Variants in BCAS1 observed in about 807,000 individuals in gnomAD.
The protein encoded by BCAS1 is breast carcinoma-amplified sequence 1.
Under a neutral mutation model 65.4 loss-of-function variants are expected in BCAS1, and 46 were observed. That is an observed-to-expected ratio of 0.70 (90% CI 0.55 to 0.90). The LOEUF (loss-of-function observed/expected upper bound fraction) is 0.90, where lower values mean the gene tolerates loss of function less well. Among genes scored for constraint, BCAS1 ranks in the 40% least tolerant of loss-of-function variants. BCAS1 has a pLI of 0.00. For synonymous variants in BCAS1, 298 were observed against 293.5 expected (o/e 1.02, Z -0.16); for missense variants, 793 against 771.2 (o/e 1.03, Z -0.33).
intron 3 of BCAS1, among the ~76,000 whole-genome samples, chr20:54,048,467 G>T (rs1305112484): frequency 6.6e-6 from 1 of 152,102 alleles, no homozygotes; most frequent in Non-Finnish European, 1.5e-5. Flanking sequence ...GGTGGCAGAG[G>T]CTTCAGGGAA....
At chr20:53,970,840 T>A (rs13433139) in intron 9 of BCAS1, among the ~76,000 whole-genome samples, 2,323 of 152,332 alleles carry the variant, frequency 0.015, 63 homozygotes, top group African/African-American at 0.053. Flanking sequence ...ATATTAACAT[T>A]AAAGGTTTTT....
chr20:54,047,401 T>C (rs948602153), intron 3 of BCAS1, among the ~76,000 whole-genome samples: 7 of 152,204 alleles, frequency 4.6e-5, no homozygotes, highest in Non-Finnish European at 2.9e-5. Context: ...GTTGTATGTG[T>C]GCATCTTTGG....
intron 4 of BCAS1, among the ~76,000 whole-genome samples, chr20:54,003,483 A>G (rs1256806199): frequency 6.6e-6 from 1 of 152,240 alleles, no homozygotes; most frequent in African/African-American, 2.4e-5. Flanking sequence ...CCCTTCTCTG[A>G]ATTTCTATAC....
At chr20:53,960,750 CTTCT>C (rs1414152816) in intron 10 of BCAS1, among the ~76,000 whole-genome samples, 1 of 151,644 alleles carries the variant, frequency 6.6e-6, no homozygotes, top group African/African-American at 2.4e-5. Flanking sequence ...TTCTTCTACC[CTTCT>C]TTCTTTTTTC....
rs776721142 is a variant in BCAS1 at position 53,992,653 on chromosome 20, G to T, written c.928-7C>A. Reference sequence around the variant, plus strand: ...CACTTTCTGCTTTCGATGCCTTTGGGGCAACAGCAGTCACAACCTCAGAAC... The same window carrying T: ...CACTTTCTGCTTTCGATGCCTTTGGTGCAACAGCAGTCACAACCTCAGAAC... On this transcript the variant is annotated splice_polypyrimidine_tract_variant and splice_region_variant and intron_variant, in intron 6 of 12. Transcript: ENST00000688948. 7.3e-7 allele frequency: 1 copy of T among 1,365,612 alleles called. No homozygotes were observed. Among genetic ancestry groups the T allele is most frequent in the South Asian group, 1.1e-5 (1 of 87,968 alleles). The allele number at this position is 1,365,612 out of a possible 1,614,324, so 84.6% of individuals were successfully genotyped here.
intron 3 of BCAS1, among the ~76,000 whole-genome samples, chr20:54,032,298 A>G (rs1357038082): frequency 6.6e-6 from 1 of 151,432 alleles, no homozygotes; most frequent in African/African-American, 2.4e-5. Context: ...ATTTGTGACC[A>G]TTAGACCTTC....
At position 53,966,906 on chromosome 20, in the gene BCAS1, C is replaced by A; in HGVS notation, c.1485G>T (p.Met495Ile). 1 of 1,605,502 alleles carries A rather than the reference C, an allele frequency of 6.2e-7. No homozygotes were observed. Among genetic ancestry groups the A allele is most frequent in the Non-Finnish European group, 8.5e-7 (1 of 1,177,430 alleles). ...RTSLMAFLRQ[M>I]SVKGDGGITH... Reference sequence around the variant, plus strand: ...CCTATACTGGAAGTAAGGGGCTTACCATTTGTCTGAGAAACGCCATCAGAG... The same window carrying A: ...CCTATACTGGAAGTAAGGGGCTTACAATTTGTCTGAGAAACGCCATCAGAG... Residue 495 changes from methionine (M) to isoleucine (I), a missense_variant and splice_region_variant, in exon 10 of 13, where the codon ATG (methionine) becomes ATT (isoleucine). Physicochemically the swap from Met to Ile is conservative, Grantham distance 10 (BLOSUM62 1). Transcript: ENST00000688948.
At chr20:54,064,648 C>G (rs1035952356) in intron 1 of BCAS1, among the ~76,000 whole-genome samples, 3 of 152,200 alleles carry the variant, frequency 2.0e-5, no homozygotes, top group African/African-American at 7.2e-5. Context: ...TCTCCTGCAT[C>G]TCTGGGGTTC....
At chr20:54,064,781 A>G (rs1159437620) in intron 1 of BCAS1, among the ~76,000 whole-genome samples, 1 of 152,230 alleles carries the variant, frequency 6.6e-6, no homozygotes, top group Non-Finnish European at 1.5e-5. Flanking sequence ...GGAAAATGAC[A>G]GTATTCATAA....
At chr20:53,979,664 G>A (rs1047941327) in intron 8 of BCAS1, among the ~76,000 whole-genome samples, 2 of 152,226 alleles carry the variant, frequency 1.3e-5, no homozygotes, top group Non-Finnish European at 2.9e-5. Flanking sequence ...TGACCACCCA[G>A]TAGGGACATA....
intron 4 of BCAS1, 115 bp downstream of exon 4, chr20:54,028,277 A>C: frequency 9.5e-7 from 1 of 1,048,356 alleles, no homozygotes; most frequent in Non-Finnish European, 1.5e-6. Context: ...TAGAGGGGTC[A>C]ACAGCTTGCC....
chr20:54,013,750 G>T (rs2091372445), intron 4 of BCAS1, among the ~76,000 whole-genome samples: 1 of 152,210 alleles, frequency 6.6e-6, no homozygotes, highest in South Asian at 2.1e-4. Flanking sequence ...AGAATACTCT[G>T]CAGGCATTAC....
intron 4 of BCAS1, among the ~76,000 whole-genome samples, chr20:54,004,727 T>A (rs1030329087): frequency 2.0e-5 from 3 of 152,064 alleles, no homozygotes; most frequent in Non-Finnish European, 4.4e-5. Flanking sequence ...AAGTTATGCT[T>A]TCACTGTGTA....
intron 3 of BCAS1, among the ~76,000 whole-genome samples, chr20:54,046,148 TAG>T (rs1205233025): frequency 6.6e-6 from 1 of 152,228 alleles, no homozygotes; most frequent in Non-Finnish European, 1.5e-5. Flanking sequence ...TGCATACTAA[TAG>T]TTATTTCAGT....
At position 53,949,204 on chromosome 20, in the gene BCAS1, G is replaced by GCA. The variant is rs60877872; in HGVS notation, c.1816-4210_1816-4209dup. ...TGTGTGTGCGTATATGCATATATCC[G>GCA]CACACACACACACACACACCCAGGT... is the stretch of plus-strand genomic sequence containing the variant. On this transcript the variant is annotated intron_variant, in intron 12 of 12. Coordinates refer to ENST00000688948, the MANE Select transcript of BCAS1 (RefSeq NM_001366298.2). 1.4e-3 allele frequency among the ~76,000 whole-genome samples: 118 copies of GCA among 84,328 alleles called. 1 individual carries two copies. Among genetic ancestry groups the GCA allele is most frequent in the African/African-American group, 3.1e-3 (92 of 29,614 alleles). The allele number at this position is 84,328 out of a possible 152,430, so 55.3% of individuals were successfully genotyped here. A position where few individuals can be genotyped will look rare whatever the true frequency, so the allele number is the denominator to read the frequency against.
intron 1 of BCAS1, among the ~76,000 whole-genome samples, chr20:54,067,573 G>C (rs2092459763): frequency 6.6e-6 from 1 of 152,162 alleles, no homozygotes; most frequent in Non-Finnish European, 1.5e-5. Flanking sequence ...TTGGCCTCCT[G>C]GAAGCTGCCC....
At chr20:53,951,810 C>T (rs1262734414) in intron 12 of BCAS1, among the ~76,000 whole-genome samples, 1 of 152,230 alleles carries the variant, frequency 6.6e-6, no homozygotes, top group African/African-American at 2.4e-5. Context: ...ATCAATGAAA[C>T]CACTGCAAGG....
chr20:53,976,949 C>G (rs919897003), intron 8 of BCAS1, among the ~76,000 whole-genome samples: 1 of 152,162 alleles, frequency 6.6e-6, no homozygotes, highest in African/African-American at 2.4e-5. Flanking sequence ...CCGTTTTACA[C>G]TGCTATAAAG....
chr20:53,963,739 T>G (rs1390615453), intron 10 of BCAS1, among the ~76,000 whole-genome samples: 1 of 152,198 alleles, frequency 6.6e-6, no homozygotes, highest in Non-Finnish European at 1.5e-5. Context: ...TAGGGCAGGT[T>G]TTTTCTTTCC....
Sources: allele counts gnomAD v4.1 joint callset (sites outside exome capture counted in the v4.1 genomes callset), GRCh38; gene constraint gnomAD v4.1.1; transcripts MANE v1.5; gene names NCBI Gene and HGNC (gene_info 2026-07-23, HGNC 2026-07-21).